PPP1R3A: variants seen among roughly 807,000 people sequenced by gnomAD.
PPP1R3A encodes protein phosphatase 1 regulatory subunit 3A, also known as RG1.
PPP1R3A carries 29 observed loss-of-function variants against 41.7 expected under a neutral mutation model. That is an observed-to-expected ratio of 0.70 (90% CI 0.52 to 0.95). The LOEUF (loss-of-function observed/expected upper bound fraction) is 0.95, where lower values mean the gene tolerates loss of function less well. Ranked by LOEUF, PPP1R3A falls within the 40% of genes least tolerant of loss-of-function variation. The pLI is 0.00. For missense variants in PPP1R3A, 1,352 were observed against 1,292.4 expected, an observed-to-expected ratio of 1.05 and a Z score of -0.71; for synonymous variants, 485 against 453.4, an observed-to-expected ratio of 1.07 and a Z score of -0.89.
rs562874859 is a variant in PPP1R3A, at chr7:113,901,959, T to A, written c.782+16256A>T. On this transcript the variant is annotated intron_variant, in intron 1 of 3. Coordinates refer to ENST00000284601, the MANE Select transcript of PPP1R3A (RefSeq NM_002711.4). ...ATCAAAACAGGGATTTTTAAGTTTATAACTGAAGTCATTTTGTATATACAA... is the reference window on the plus strand; with the variant it reads ...ATCAAAACAGGGATTTTTAAGTTTAAAACTGAAGTCATTTTGTATATACAA... Among the ~76,000 whole-genome samples, 3 of 152,032 alleles carry A rather than the reference T, an allele frequency of 2.0e-5. No individual in the cohort carries two copies. In the South Asian group the frequency reaches 6.2e-4, roughly 31 times the overall value.
At position 113,876,841 on chromosome 7, in the gene PPP1R3A, A is replaced by G. The variant is rs1008091979; in HGVS notation, c.*882T>C. ...AAATACAATGTGGAACAAATAGTCC[A>G]TTTGGAATTTTTATTGTCATTTAAT... On this transcript the variant is annotated 3_prime_UTR_variant, in exon 4 of 4. Coordinates refer to ENST00000284601, the MANE Select transcript of PPP1R3A (RefSeq NM_002711.4). 2 of 152,170 alleles carry G rather than the reference A, an allele frequency of 1.3e-5. No individual in the cohort carries two copies. Among genetic ancestry groups the G allele is most frequent in the Admixed American group, 1.3e-4 (2 of 15,222 alleles). The allele number at this position is 152,170 out of a possible 1,614,324, so 9.4% of individuals were successfully genotyped here. A position where few individuals can be genotyped will look rare whatever the true frequency, so the allele number is the denominator to read the frequency against.
At chr7:113,884,742 A>T (rs1796753075) in intron 1 of PPP1R3A, among the ~76,000 whole-genome samples, 1 of 152,144 alleles carries the variant, frequency 6.6e-6, no homozygotes, top group African/African-American at 2.4e-5. Flanking sequence ...CTATGCAGTA[A>T]AAATAGAAGT....
chr7:113,878,531 TCTGTAATGAC>T lies in PPP1R3A; in HGVS notation c.2551_2560del (p.Val851AsnfsTer81). On this transcript the variant is annotated frameshift_variant, in exon 4 of 4. Coordinates refer to ENST00000284601, the MANE Select transcript of PPP1R3A (RefSeq NM_002711.4). LOFTEE classifies it low-confidence loss of function (END_TRUNC). The stretch of plus-strand genomic sequence containing the variant: ...CAGTTTTGAAGTTGCTTTTTGATAT[TCTGTAATGAC>T]CCATGAGGATTCTTCCACAGATGTT... 1 of 1,613,594 alleles carries T rather than the reference TCTGTAATGAC, an allele frequency of 6.2e-7. No individual in the cohort carries two copies.
chr7:113,895,644 A>G (rs1197158799), intron 1 of PPP1R3A, among the ~76,000 whole-genome samples: 1 of 151,946 alleles, frequency 6.6e-6, no homozygotes, highest in Non-Finnish European at 1.5e-5. Flanking sequence ...TTTTCAAGCA[A>G]TTCCATTTTA....
At chr7:113,892,575 G>C (rs1366134562) in intron 1 of PPP1R3A, among the ~76,000 whole-genome samples, 1 of 151,984 alleles carries the variant, frequency 6.6e-6, no homozygotes, top group Non-Finnish European at 1.5e-5. Flanking sequence ...GTCTTCTCTT[G>C]ATCAGGAATA....
At position 113,877,679 on chromosome 7, in the gene PPP1R3A, G is replaced by T; in HGVS notation, c.*44C>A. On this transcript the variant is annotated 3_prime_UTR_variant, in exon 4 of 4. Transcript: ENST00000284601. The stretch of plus-strand genomic sequence containing the variant: ...TCCCATTCACCAATCCAAATGTTTG[G>T]GGTTAAATAGCTTATCTTTTAAGAG... The T allele has an allele frequency of 6.6e-7, 1 of 1,505,926 alleles. No individual in the cohort carries two copies. Among genetic ancestry groups the T allele is most frequent in the South Asian group, 1.4e-5 (1 of 72,842 alleles). The allele number at this position is 1,505,926 out of a possible 1,614,324, so 93.3% of individuals were successfully genotyped here.
At chr7:113,880,572 T>C (rs1038825240) in intron 3 of PPP1R3A, among the ~76,000 whole-genome samples, 2 of 152,038 alleles carry the variant, frequency 1.3e-5, no homozygotes, top group African/African-American at 4.8e-5. Context: ...AAACTATTAA[T>C]AGCAAAACGT....
At chr7:113,886,654 T>C (rs766184820) in intron 1 of PPP1R3A, among the ~76,000 whole-genome samples, 2 of 152,226 alleles carry the variant, frequency 1.3e-5, no homozygotes, top group African/African-American at 2.4e-5. Context: ...TGCTTATTAA[T>C]AATTTGAAAT....
In PPP1R3A at chr7:113,918,923, A is replaced by G. The variant is rs1427977381; in HGVS notation, c.74T>C (p.Leu25Pro). The change falls in exon 1 of 4, where the codon CTT (leucine) becomes CCT (proline). Residue 25 changes from leucine to proline, a missense_variant. Coordinates refer to ENST00000284601, the MANE Select transcript of PPP1R3A (RefSeq NM_002711.4). Reference sequence around the variant, plus strand: ...GAAAGTAACTTCTTCATCTTCACAAAGAGAGTCAGATAAATTAGGAACTTC... The same window carrying G: ...GAAAGTAACTTCTTCATCTTCACAAGGAGAGTCAGATAAATTAGGAACTTC... Reference protein sequence around the residue: ...FLEVPNLSDSLCEDEEVTFQP... With the variant: ...FLEVPNLSDSPCEDEEVTFQP... 1.9e-6 allele frequency: 3 copies of G among 1,612,832 alleles called. No homozygotes were observed. The Admixed American group carries it at 5.0e-5, about 27-fold the overall frequency.
At position 113,918,920 on chromosome 7, in the gene PPP1R3A, C is replaced by A; in HGVS notation, c.77G>T (p.Cys26Phe). 1.2e-6 allele frequency: 2 copies of A among 1,612,590 alleles called. No individual in the cohort carries two copies. Among genetic ancestry groups the A allele is most frequent in the East Asian group, 2.2e-5 (1 of 44,846 alleles). ...TTGGAAAGTAACTTCTTCATCTTCACAAAGAGAGTCAGATAAATTAGGAAC... is the reference window on the plus strand; with the variant it reads ...TTGGAAAGTAACTTCTTCATCTTCAAAAAGAGAGTCAGATAAATTAGGAAC... Reference protein sequence around the residue: ...LEVPNLSDSLCEDEEVTFQPG... With the variant: ...LEVPNLSDSLFEDEEVTFQPG... The change falls in exon 1 of 4, where the codon TGT becomes TTT. Residue 26 changes from cysteine to phenylalanine, a missense_variant. Physicochemically the swap from Cys to Phe is radical, Grantham distance 205. Transcript: ENST00000284601.
In PPP1R3A at chr7:113,889,917, G is replaced by A. The variant is rs148400825; in HGVS notation, c.783-7597C>T. 2.1e-3 allele frequency among the ~76,000 whole-genome samples: 312 copies of A among 152,164 alleles called. 3 individuals carry two copies. Among genetic ancestry groups the A allele is most frequent in the African/African-American group, 7.2e-3 (298 of 41,540 alleles). ...GTGGACAAGTACATAAAGCAACAGCGCCAGGGTATGATAACTGTGTGCTCC... is the reference window on the plus strand; with the variant it reads ...GTGGACAAGTACATAAAGCAACAGCACCAGGGTATGATAACTGTGTGCTCC... On this transcript the variant is annotated intron_variant, in intron 1 of 3. Transcript: ENST00000284601.
Position 113,918,335 on chromosome 7 carries a change from T to C in PPP1R3A, c.662A>G (p.Asn221Ser). ...YETSVGTFWSNNNGTNYTFIC... is the reference protein window; with the variant it reads ...YETSVGTFWSSNNGTNYTFIC... ...GAATGTATAATTTGTGCCATTATTA[T>C]TTGACCAAAATGTACCAACAGAAGT... The change falls in exon 1 of 4, where the codon AAT becomes AGT. Residue 221 changes from asparagine to serine, a missense_variant. Asn to Ser is a conservative substitution (Grantham distance 46). Coordinates refer to ENST00000284601, the MANE Select transcript of PPP1R3A (RefSeq NM_002711.4). The C allele has an allele frequency of 6.2e-7, 1 of 1,613,288 alleles. No individual in the cohort carries two copies. The highest frequency in any genetic ancestry group is 8.5e-7 in the Non-Finnish European group (1 of 1,179,518).
intron 1 of PPP1R3A, among the ~76,000 whole-genome samples, chr7:113,905,146 A>G (rs1298816208): frequency 6.6e-6 from 1 of 151,686 alleles, no homozygotes; most frequent in Non-Finnish European, 1.5e-5. Context: ...GTAATGTAAG[A>G]ATTAATTGAT....
At chr7:113,895,506 T>G (rs1263971492) in intron 1 of PPP1R3A, among the ~76,000 whole-genome samples, 1 of 152,018 alleles carries the variant, frequency 6.6e-6, no homozygotes, top group Non-Finnish European at 1.5e-5. Context: ...ATTTCTGGAT[T>G]GCTATGCAAT....
intron 1 of PPP1R3A, among the ~76,000 whole-genome samples, chr7:113,905,042 G>C (rs1584418391): frequency 6.6e-6 from 1 of 151,444 alleles, no homozygotes; most frequent in African/African-American, 2.4e-5. Flanking sequence ...TTTTACTTTG[G>C]GTGGAGACTT....
chr7:113,877,482 C>A lies in PPP1R3A; in HGVS notation c.*241G>T. The A allele has an allele frequency of 2.6e-6, 1 of 382,586 alleles. No homozygotes were observed. The allele number at this position is 382,586 out of a possible 1,614,324, so 23.7% of individuals were successfully genotyped here. The stretch of plus-strand genomic sequence containing the variant: ...GCCTGCTAAGGAGCAACAGCTGTAC[C>A]TAATTTCAACTTGACGTGCTTCAGA... On this transcript the variant is annotated 3_prime_UTR_variant, in exon 4 of 4. Coordinates refer to ENST00000284601, the MANE Select transcript of PPP1R3A (RefSeq NM_002711.4).
chr7:113,880,204 A>C (rs1197976643), intron 3 of PPP1R3A, 79 bp from the exon 4 acceptor site: 4 of 1,264,572 alleles, frequency 3.2e-6, no homozygotes, highest in Non-Finnish European at 4.4e-6. Flanking sequence ...GGTTTTATTA[A>C]CTCGGCTAGT....
At chr7:113,884,961 A>C (rs1796757513) in intron 1 of PPP1R3A, among the ~76,000 whole-genome samples, 1 of 152,166 alleles carries the variant, frequency 6.6e-6, no homozygotes, top group Non-Finnish European at 1.5e-5. Flanking sequence ...AAATGAAATC[A>C]AGACCACAAA....
Position 113,877,838 on chromosome 7 carries a change from A to C in PPP1R3A, c.3254T>G (p.Phe1085Cys). The change falls in exon 4 of 4, where the codon TTT (phenylalanine) becomes TGT (cysteine). Residue 1085 changes from phenylalanine (F) to cysteine (C), a missense_variant. Coordinates refer to ENST00000284601, the MANE Select transcript of PPP1R3A (RefSeq NM_002711.4). ...GTCATAATGGTAGACAGTTATAAGA[A>C]ATATCAGAAACAAAAGGAAATAAGG... ...KIPYFLLFLIFLITVYHYDLM... is the reference protein window; with the variant it reads ...KIPYFLLFLICLITVYHYDLM... 1 of 1,609,784 alleles carries C rather than the reference A, an allele frequency of 6.2e-7. No individual in the cohort carries two copies. Among genetic ancestry groups the C allele is most frequent in the Non-Finnish European group, 8.5e-7 (1 of 1,176,566 alleles).
Sources: gnomAD v4.1 joint callset for allele counts (sites outside exome capture counted in the v4.1 genomes callset) on GRCh38, gnomAD v4.1.1 for gene constraint, MANE v1.5 for transcripts, NCBI Gene and HGNC (gene_info 2026-07-23, HGNC 2026-07-21) for gene names.